The following ADCY10 variants were observed in gnomAD, a reference collection of about 807,000 sequenced individuals.
The protein encoded by ADCY10 is adenylate cyclase 10.
ADCY10 carries 156 observed loss-of-function variants against 183.3 expected under a neutral mutation model. That is an observed-to-expected ratio of 0.85 (90% confidence interval 0.75 to 0.97). ADCY10 has a LOEUF of 0.97. Ranked by LOEUF, ADCY10 falls within the 50% of genes least tolerant of loss-of-function variation. ADCY10 has a pLI of 0.00. For synonymous variants in ADCY10, 645 were observed against 670.0 expected, an observed-to-expected ratio of 0.96 and a Z score of 0.58; for missense variants, 1,745 against 1,934.3, an observed-to-expected ratio of 0.90 and a Z score of 1.84.
chr1:167,820,282 G>A, intron 30 of ADCY10: 1 of 1,380,538 alleles, frequency 7.2e-7, no homozygotes, highest in Non-Finnish European at 9.8e-7. Context: ...TGGCGCCGCA[G>A]CGCCGGCCGC....
At chr1:167,822,760 A>G (rs1283722879) in intron 29 of ADCY10, among the ~76,000 whole-genome samples, 7 of 152,200 alleles carry the variant, frequency 4.6e-5, no homozygotes, top group Admixed American at 3.9e-4. Flanking sequence ...TTGATCTGAC[A>G]GTTTAACTGG....
intron 8 of ADCY10, among the ~76,000 whole-genome samples, chr1:167,885,156 A>ATATG (rs1668137918): frequency 6.6e-6 from 1 of 152,202 alleles, no homozygotes; most frequent in Non-Finnish European, 1.5e-5. Context: ...TTCGTTGTGT[A>ATATG]TATGTACCAC....
At chr1:167,839,794 G>A (rs1664479350) in intron 21 of ADCY10, among the ~76,000 whole-genome samples, 1 of 152,080 alleles carries the variant, frequency 6.6e-6, no homozygotes, top group Non-Finnish European at 1.5e-5. Context: ...CGAATATCTA[G>A]GTCACTTCCT....
intron 13 of ADCY10, among the ~76,000 whole-genome samples, chr1:167,872,239 G>A (rs1278427347): frequency 6.6e-6 from 1 of 152,098 alleles, no homozygotes; most frequent in Non-Finnish European, 1.5e-5. Context: ...TCAGGAGGCT[G>A]AGGCAGGAGA....
chr1:167,819,188 G>A (rs1558145042), intron 30 of ADCY10, among the ~76,000 whole-genome samples: 1 of 151,376 alleles, frequency 6.6e-6, no homozygotes, highest in African/African-American at 2.4e-5. Context: ...ACCTGCATTT[G>A]GAACTACCTT....
At chr1:167,895,559 A>G (rs1668910578) in intron 7 of ADCY10, among the ~76,000 whole-genome samples, 1 of 152,192 alleles carries the variant, frequency 6.6e-6, no homozygotes, top group African/African-American at 2.4e-5. Context: ...TAAAGTTCAG[A>G]TACGTTAATA....
chr1:167,846,365 C>T, intron 19 of ADCY10, 102 bp from the exon 20 acceptor site: 1 of 1,441,798 alleles, frequency 6.9e-7, no homozygotes, highest in Non-Finnish European at 9.7e-7. Context: ...CTCTACAGTT[C>T]TTGTTGCAAG....
Position 167,823,014 on chromosome 1 carries a change from AAAGCAGGATGTCC to A in ADCY10, c.4149_4161del (p.Leu1383PhefsTer40). ...ATCCCAAACCCACACTTACCAGAAT[AAAGCAGGATGTCC>A]AAGCAGACAAAATAGAAAAATGCCT... On this transcript the variant is annotated frameshift_variant, in exon 29 of 33. Transcript: ENST00000367851. LOFTEE classifies it high-confidence loss of function. The A allele has an allele frequency of 6.2e-7, 1 of 1,613,874 alleles. No homozygotes were observed. Among genetic ancestry groups the A allele is most frequent in the Non-Finnish European group, 8.5e-7 (1 of 1,179,816 alleles).
intron 9 of ADCY10, 105 bp downstream of exon 9, chr1:167,883,332 C>G: frequency 1.5e-6 from 2 of 1,342,654 alleles, no homozygotes; most frequent in Non-Finnish European, 1.1e-6. Context: ...GCCACCACGC[C>G]CAGCCTCTAG....
At chr1:167,901,876 T>A in intron 4 of ADCY10, 71 bp from the exon 5 acceptor site, 3 of 1,612,366 alleles carry the variant, frequency 1.9e-6, no homozygotes, top group Non-Finnish European at 2.5e-6. Flanking sequence ...GAGATCTGTA[T>A]AGAAACTTAC....
chr1:167,850,259 A>T (rs1665365125), intron 18 of ADCY10, among the ~76,000 whole-genome samples: 1 of 152,266 alleles, frequency 6.6e-6, no homozygotes, highest in Non-Finnish European at 1.5e-5. Context: ...ATGGGGCCTA[A>T]GCAAGACAGT....
chr1:167,909,760 A>G (rs1404205602), intron 1 of ADCY10, among the ~76,000 whole-genome samples: 3 of 152,166 alleles, frequency 2.0e-5, no homozygotes, highest in Admixed American at 1.3e-4. Context: ...CAGTTGCTAC[A>G]TATCTCAGCC....
intron 4 of ADCY10, 57 bp from the exon 5 acceptor site, chr1:167,901,862 G>A (rs1406025913): frequency 2.5e-6 from 4 of 1,613,384 alleles, no homozygotes; most frequent in African/African-American, 2.7e-5. Context: ...AATCTATTTT[G>A]TATGAGATCT....
intron 1 of ADCY10, among the ~76,000 whole-genome samples, chr1:167,910,830 A>G (rs1014881582): frequency 3.9e-5 from 6 of 152,142 alleles, no homozygotes; most frequent in African/African-American, 1.4e-4. Flanking sequence ...CTCAACTTTG[A>G]CTTCTTTAGC....
chr1:167,870,230 AC>A (rs752692542), intron 14 of ADCY10, 26 bp downstream of exon 14: 86 of 1,613,720 alleles, frequency 5.3e-5, no homozygotes, highest in Non-Finnish European at 7.1e-5. Flanking sequence ...ATGGGTTCAC[AC>A]AGAACAATCA....
chr1:167,823,022 A>G lies in ADCY10; in HGVS notation c.4154T>C (p.Ile1385Thr). ...CCCACACTTACCAGAATAAAGCAGGATGTCCAAGCAGACAAAATAGAAAAA... is the reference window on the plus strand; with the variant it reads ...CCCACACTTACCAGAATAAAGCAGGGTGTCCAAGCAGACAAAATAGAAAAA... Reference protein sequence around the residue: ...KAFFYFVCLDILLYSGFVYRT... With the variant: ...KAFFYFVCLDTLLYSGFVYRT... The change falls in exon 29 of 33, where the codon ATC becomes ACC. Residue 1385 changes from isoleucine (I) to threonine (T), a missense_variant. Coordinates refer to ENST00000367851, the MANE Select transcript of ADCY10 (RefSeq NM_018417.6). 2 of 1,614,088 alleles carry G rather than the reference A, an allele frequency of 1.2e-6. No homozygotes were observed. Among genetic ancestry groups the G allele is most frequent in the Non-Finnish European group, 1.7e-6 (2 of 1,179,966 alleles).
At chr1:167,851,298 C>G (rs1246487504) in intron 18 of ADCY10, among the ~76,000 whole-genome samples, 3 of 152,136 alleles carry the variant, frequency 2.0e-5, no homozygotes, top group Admixed American at 2.0e-4. Context: ...GCAATCCTCC[C>G]ACCTCAGCCT....
chr1:167,879,588 C>T lies in ADCY10; in HGVS notation c.1216+527G>A, dbSNP rs571404885. On this transcript the variant is annotated intron_variant, in intron 11 of 32. Coordinates refer to ENST00000367851, the MANE Select transcript of ADCY10 (RefSeq NM_018417.6). ...GTGTACTTTTGAAGAACATCTCAGA[C>T]ATTGTATCATTTCAGACATAACTAT... Among the ~76,000 whole-genome samples, 3 of 152,222 alleles carry T rather than the reference C, an allele frequency of 2.0e-5. No homozygotes were observed. The South Asian group carries it at 6.2e-4, about 32-fold the overall frequency.
chr1:167,834,639 A>C (rs1482829419), intron 23 of ADCY10: 2 of 179,880 alleles, frequency 1.1e-5, no homozygotes, highest in Admixed American at 5.4e-5. Flanking sequence ...CACCAAGGTA[A>C]GATCAGACTT....
Sources: gnomAD v4.1 joint callset for allele counts (sites outside exome capture counted in the v4.1 genomes callset) on GRCh38, gnomAD v4.1.1 for gene constraint, MANE v1.5 for transcripts, NCBI Gene and HGNC (gene_info 2026-07-23, HGNC 2026-07-21) for gene names.